Variants in MCRIP2 observed in about 807,000 individuals in gnomAD.
The protein encoded by MCRIP2 is MAPK regulated corepressor interacting protein 2.
Under a neutral mutation model 23.2 loss-of-function variants are expected in MCRIP2, and 21 were observed. The observed-to-expected ratio is 0.90, with a 90% confidence interval of 0.64 to 1.30. The LOEUF (loss-of-function observed/expected upper bound fraction) is 1.30, where lower values mean the gene tolerates loss of function less well. MCRIP2 is among the 50% of genes most tolerant of loss of function. MCRIP2 has a pLI of 0.00. For synonymous variants in MCRIP2, 121 were observed against 100.2 expected, an observed-to-expected ratio of 1.21 and a Z score of -1.24; for missense variants, 234 against 223.2, an observed-to-expected ratio of 1.05 and a Z score of -0.31.
intron 4 of MCRIP2, 113 bp from the exon 5 acceptor site, chr16:648,007 T>TC: frequency 2.4e-6 from 3 of 1,233,504 alleles, no homozygotes; most frequent in Non-Finnish European, 3.4e-6. Flanking sequence ...AACCCCTTCT[T>TC]CCCAGCGCCT....
intron 2 of MCRIP2, chr16:645,718 GAATGA>G (rs2037464536): frequency 6.6e-6 from 1 of 152,402 alleles, no homozygotes; most frequent in African/African-American, 2.4e-5. Context: ...AGGGACAATG[GAATGA>G]ACCCCACAGG....
rs764100405 is a variant in MCRIP2 at position 647,413 on chromosome 16, G to C, written c.183-4G>C. The C allele has an allele frequency of 6.2e-7, 1 of 1,613,118 alleles. No homozygotes were observed. Among genetic ancestry groups the C allele is most frequent in the Non-Finnish European group, 8.5e-7 (1 of 1,179,806 alleles). ...AACCATGTCCGTCTCCTCCCTTCCT[G>C]CAGTCCAGGGCCAAGGCTTGTGTTC... On this transcript the variant is annotated splice_region_variant and splice_polypyrimidine_tract_variant and intron_variant, in intron 2 of 4. Coordinates refer to ENST00000307650, the MANE Select transcript of MCRIP2 (RefSeq NM_138418.4).
chr16:644,557 C>G (rs935428401), intron 2 of MCRIP2, among the ~76,000 whole-genome samples: 1 of 152,202 alleles, frequency 6.6e-6, no homozygotes, highest in Non-Finnish European at 1.5e-5. Flanking sequence ...GATCCTCCCA[C>G]CTCTCGACTT....
Position 648,344 on chromosome 16 carries a change from C to T in MCRIP2, c.*154C>T. On this transcript the variant is annotated 3_prime_UTR_variant, in exon 5 of 5. Coordinates refer to ENST00000307650, the MANE Select transcript of MCRIP2 (RefSeq NM_138418.4). The stretch of plus-strand genomic sequence containing the variant: ...CCTTTTTTTCCCTTGGCCCGGCTGT[C>T]CCAACCAAGCTGCCATGGCCAAGGG... The T allele has an allele frequency of 1.3e-6, 1 of 784,832 alleles. No individual in the cohort carries two copies. The highest frequency in any genetic ancestry group is 2.1e-6 in the Non-Finnish European group (1 of 481,214). The allele number at this position is 784,832 out of a possible 1,614,324, so 48.6% of individuals were successfully genotyped here. A position where few individuals can be genotyped will look rare whatever the true frequency, so the allele number is the denominator to read the frequency against.
chr16:647,396 C>G, intron 2 of MCRIP2, 21 bp from the exon 3 acceptor site: 1 of 1,611,690 alleles, frequency 6.2e-7, no homozygotes, highest in Non-Finnish European at 8.5e-7. Context: ...CCAACCATGT[C>G]CGTCTCCTCC....
rs2037566005 is a variant in MCRIP2 at position 648,430 on chromosome 16, G to A, written c.*240G>A. On this transcript the variant is annotated 3_prime_UTR_variant, in exon 5 of 5. Coordinates refer to ENST00000307650, the MANE Select transcript of MCRIP2 (RefSeq NM_138418.4). ...CCAGGGACCAGCGACCAGCCCCTGG[G>A]GCTGGCAGGGAGGAGCTCCAGGCTA... The A allele has an allele frequency of 1.8e-6, 1 of 564,216 alleles. No individual in the cohort carries two copies. Among genetic ancestry groups the A allele is most frequent in the African/African-American group, 1.9e-5 (1 of 52,588 alleles). The allele number at this position is 564,216 out of a possible 1,614,324, so 35.0% of individuals were successfully genotyped here. A position where few individuals can be genotyped will look rare whatever the true frequency, so the allele number is the denominator to read the frequency against.
Position 647,865 on chromosome 16 carries a change from C to T in MCRIP2, c.393C>T (p.Thr131=). The change falls in exon 4 of 5, where the codon ACC becomes ACT. Residue 131 remains threonine, a synonymous_variant. Transcript: ENST00000307650. ...GPRPVQYVER[T]PNPRLQNFVP... ...GGCCTGTGCAGTACGTGGAGAGGACCCCCAATCCCCGGCTGCAGAGTGAGC... is the reference window on the plus strand; with the variant it reads ...GGCCTGTGCAGTACGTGGAGAGGACTCCCAATCCCCGGCTGCAGAGTGAGC... 1 of 1,538,118 alleles carries T rather than the reference C, an allele frequency of 6.5e-7. No homozygotes were observed. Among genetic ancestry groups the T allele is most frequent in the Non-Finnish European group, 8.8e-7 (1 of 1,134,792 alleles).
At chr16:642,307 C>T in intron 2 of MCRIP2, 58 bp downstream of exon 2, 1 of 1,138,768 alleles carries the variant, frequency 8.8e-7, no homozygotes, top group Non-Finnish European at 1.1e-6. Flanking sequence ...CCGCCGGCCG[C>T]CCTAGAGCGG....
intron 2 of MCRIP2, among the ~76,000 whole-genome samples, chr16:644,789 CACTG>C (rs772425591): frequency 4.1e-4 from 62 of 151,004 alleles, no homozygotes; most frequent in Middle Eastern, 3.4e-3. Flanking sequence ...CCTCATCTCT[CACTG>C]ACTGGGCGCG....
chr16:647,996 A>C, intron 4 of MCRIP2, 112 bp downstream of exon 4: 1 of 1,203,586 alleles, frequency 8.3e-7, no homozygotes, highest in Non-Finnish European at 1.2e-6. Context: ...TCTTGTGCAG[A>C]AACCCCTTCT....
At chr16:647,164 C>T (rs1248081092) in intron 2 of MCRIP2, 4 of 571,850 alleles carry the variant, frequency 7.0e-6, no homozygotes, top group Non-Finnish European at 1.3e-5. Context: ...AGACTGAGGC[C>T]CCCACCCTAC....
At position 648,100 on chromosome 16, in the gene MCRIP2, C is replaced by T; in HGVS notation, c.413-20C>T. 6.3e-7 allele frequency: 1 copy of T among 1,585,262 alleles called. No homozygotes were observed. The highest frequency in any genetic ancestry group is 8.6e-7 in the Non-Finnish European group (1 of 1,162,240). ...CTGGCCTGGGAGGCAGCATCACTGCCCAGCCTTCTCTGCCCACAGACTTTG... is the reference window on the plus strand; with the variant it reads ...CTGGCCTGGGAGGCAGCATCACTGCTCAGCCTTCTCTGCCCACAGACTTTG... On this transcript the variant is annotated intron_variant, in intron 4 of 4. Coordinates refer to ENST00000307650, the MANE Select transcript of MCRIP2 (RefSeq NM_138418.4).
intron 3 of MCRIP2, 116 bp from the exon 4 acceptor site, chr16:647,667 C>T (rs901944049): frequency 2.0e-6 from 3 of 1,524,792 alleles, no homozygotes; most frequent in South Asian, 1.2e-5. Flanking sequence ...TGGCACTCTG[C>T]CCTTGTGTCC....
At chr16:644,448 A>G (rs2037428113) in intron 2 of MCRIP2, among the ~76,000 whole-genome samples, 2 of 151,028 alleles carry the variant, frequency 1.3e-5, no homozygotes, top group Admixed American at 1.3e-4. Flanking sequence ...ACTTCATTTA[A>G]TTTTTTTCTT....
rs571114945 is a variant in MCRIP2 at position 644,159 on chromosome 16, G to C, written c.182+1910G>C. On this transcript the variant is annotated intron_variant, in intron 2 of 4. Coordinates refer to ENST00000307650, the MANE Select transcript of MCRIP2 (RefSeq NM_138418.4). ...TGCAATGGCAGGATCTCCGCTCACC[G>C]CAACCTCTGCCTCCTGGGTTCAAGC... is the stretch of plus-strand genomic sequence containing the variant. Among the ~76,000 whole-genome samples the C allele has an allele frequency of 1.1e-4, 17 of 152,106 alleles. No homozygotes were observed. The East Asian group carries it at 2.1e-3, about 19-fold the overall frequency.
chr16:647,868 C>T lies in MCRIP2; in HGVS notation c.396C>T (p.Pro132=), dbSNP rs775246231. ...PRPVQYVERT[P]NPRLQNFVPI... ...CTGTGCAGTACGTGGAGAGGACCCC[C>T]AATCCCCGGCTGCAGAGTGAGCCCC... Residue 132 remains proline, a synonymous_variant, in exon 4 of 5, where the codon CCC becomes CCT. Transcript: ENST00000307650. 1 of 1,554,558 alleles carries T rather than the reference C, an allele frequency of 6.4e-7. No homozygotes were observed. Among genetic ancestry groups the T allele is most frequent in the Non-Finnish European group, 8.7e-7 (1 of 1,149,480 alleles).
At chr16:648,078 G>T in intron 4 of MCRIP2, 42 bp from the exon 5 acceptor site, 1 of 1,554,800 alleles carries the variant, frequency 6.4e-7, no homozygotes. Context: ...TTGCCGGCTG[G>T]CCTGGGAGGC....
rs2037563829 is a variant in MCRIP2, at chr16:648,385, C to G, written c.*195C>G. 1.6e-6 allele frequency: 1 copy of G among 610,838 alleles called. No homozygotes were observed. Among genetic ancestry groups the G allele is most frequent in the South Asian group, 1.9e-5 (1 of 51,692 alleles). 37.8% of individuals were successfully genotyped at this position (610,838 alleles called of 1,614,324 possible). On this transcript the variant is annotated 3_prime_UTR_variant, in exon 5 of 5. Transcript: ENST00000307650. ...TGGCCAAGGGCCGAACCCGTCTGACCTCAGCCCTGCTCACTGTGCCCAGGG... is the reference window on the plus strand; with the variant it reads ...TGGCCAAGGGCCGAACCCGTCTGACGTCAGCCCTGCTCACTGTGCCCAGGG...
chr16:642,299 G>C, intron 2 of MCRIP2, 50 bp downstream of exon 2: 1 of 1,142,568 alleles, frequency 8.8e-7, no homozygotes, highest in Non-Finnish European at 1.1e-6. Flanking sequence ...CCCCTCCCCC[G>C]CCGGCCGCCC....
Sources: allele counts gnomAD v4.1 joint callset (sites outside exome capture counted in the v4.1 genomes callset), GRCh38; gene constraint gnomAD v4.1.1; transcripts MANE v1.5; gene names NCBI Gene and HGNC (gene_info 2026-07-23, HGNC 2026-07-21).